Variants in DDX6 observed in about 807,000 individuals in gnomAD.
DDX6 encodes DEAD-box helicase 6, also known as probable ATP-dependent RNA helicase DDX6.
DDX6 carries 7 observed loss-of-function variants against 60.6 expected under a neutral mutation model. That is an observed-to-expected ratio of 0.12 (90% CI 0.07 to 0.22). The LOEUF (loss-of-function observed/expected upper bound fraction) is 0.22. DDX6 is among the 10% of genes least tolerant of loss of function. The pLI is 1.00. For synonymous variants in DDX6, 207 were observed against 201.0 expected, an observed-to-expected ratio of 1.03 and a Z score of -0.25; for missense variants, 270 against 589.9, an observed-to-expected ratio of 0.46 and a Z score of 5.62.
chr11:118,776,888 A>G (rs1228706162), intron 4 of DDX6, among the ~76,000 whole-genome samples: 4 of 151,874 alleles, frequency 2.6e-5, no homozygotes, highest in Admixed American at 2.6e-4. Context: ...ATGGCTTAAC[A>G]TGAACTACAT....
chr11:118,778,495 G>A (rs935424976), intron 4 of DDX6, among the ~76,000 whole-genome samples: 1 of 152,140 alleles, frequency 6.6e-6, no homozygotes, highest in South Asian at 2.1e-4. Flanking sequence ...AAAACAATAC[G>A]CTAAGAGAAC....
At chr11:118,783,826 T>TAAAAAAAAAAAAAAAA (rs1591925039) in intron 2 of DDX6, among the ~76,000 whole-genome samples, 16 of 55,488 alleles carry the variant, frequency 2.9e-4, no homozygotes, top group East Asian at 6.5e-4. Context: ...AAAAAAAAAT[T>TAAAAAAAAAAAAAAAA]AAAAATAGGC....
At chr11:118,771,368 CAG>C (rs1395478993) in intron 4 of DDX6, among the ~76,000 whole-genome samples, 3 of 152,168 alleles carry the variant, frequency 2.0e-5, no homozygotes, top group Admixed American at 6.5e-5. Context: ...CCCTCTTTGA[CAG>C]GGATTATACC....
At chr11:118,781,019 T>C in intron 3 of DDX6, 102 bp downstream of exon 3, 2 of 714,898 alleles carry the variant, frequency 2.8e-6, no homozygotes, top group Non-Finnish European at 5.0e-6. Context: ...GTGGCAGTGG[T>C]GTTATGGTCC....
Position 118,748,692 on chromosome 11 carries a change from C to T in DDX6, c.*3413G>A, listed in dbSNP as rs1291056181. 2 of 151,886 alleles carry T rather than the reference C, an allele frequency of 1.3e-5. No individual in the cohort carries two copies. The highest frequency in any genetic ancestry group is 2.9e-5 in the Non-Finnish European group (2 of 67,968). The allele number at this position is 151,886 out of a possible 1,614,324, so 9.4% of individuals were successfully genotyped here. A position where few individuals can be genotyped will look rare whatever the true frequency, so the allele number is the denominator to read the frequency against. On this transcript the variant is annotated 3_prime_UTR_variant, in exon 14 of 14. Transcript: ENST00000534980. ...TGAGCTTCCAAAGTGTTTCTAAATC[C>T]TTAGTGCAGACACCCTCCCTTCTGG...
intron 4 of DDX6, among the ~76,000 whole-genome samples, chr11:118,778,059 A>G (rs781980188): frequency 2.0e-5 from 3 of 152,038 alleles, no homozygotes; most frequent in East Asian, 1.9e-4. Flanking sequence ...AATGGTGAGT[A>G]TAAGTCCATA....
At chr11:118,770,288 A>C (rs781814427) in intron 4 of DDX6, among the ~76,000 whole-genome samples, 1 of 152,120 alleles carries the variant, frequency 6.6e-6, no homozygotes, top group Non-Finnish European at 1.5e-5. Context: ...TCGGCCTCCC[A>C]AAGTGTTGGG....
At chr11:118,790,202 G>A (rs767316425) in intron 1 of DDX6, 2 of 152,118 alleles carry the variant, frequency 1.3e-5, no homozygotes, top group Non-Finnish European at 2.9e-5. Flanking sequence ...ATTGACTAAT[G>A]ACTGGAACCC....
rs1439267826 is a variant in DDX6, at chr11:118,788,305, A to AAAAACAAACAAAC, written c.-267-1788_-267-1787insGTTTGTTTGTTTT. 31 of 17,420 alleles carry AAAAACAAACAAAC rather than the reference A, an allele frequency of 1.8e-3. 1 individual carries two copies. Among genetic ancestry groups the AAAAACAAACAAAC allele is most frequent in the African/African-American group, 2.2e-3 (30 of 13,768 alleles). 1.1% of individuals were successfully genotyped at this position (17,420 alleles called of 1,614,324 possible). On this transcript the variant is annotated intron_variant, in intron 1 of 13. Transcript: ENST00000534980. The stretch of plus-strand genomic sequence containing the variant: ...GCAACAAGAGCAATACTCTGACTTA[A>AAAAACAAACAAAC]AAACAAACAAAGCAAACAAACAAAC...
At chr11:118,753,667 C>T (rs1224046732) in intron 13 of DDX6, among the ~76,000 whole-genome samples, 1 of 151,962 alleles carries the variant, frequency 6.6e-6, no homozygotes, top group Non-Finnish European at 1.5e-5. Context: ...AGATGGCCAT[C>T]CTCATAATCT....
At chr11:118,762,046 A>G (rs782042057) in intron 7 of DDX6, among the ~76,000 whole-genome samples, 3 of 152,060 alleles carry the variant, frequency 2.0e-5, no homozygotes, top group Non-Finnish European at 2.9e-5. Context: ...AGGCTGAGGC[A>G]GTAGGATCAC....
rs1279266835 is a variant in DDX6, at chr11:118,749,823, T to G, written c.*2282A>C. 6.6e-6 allele frequency: 1 copy of G among 152,582 alleles called. No individual in the cohort carries two copies. The highest frequency in any genetic ancestry group is 1.5e-5 in the Non-Finnish European group (1 of 68,018). 9.5% of individuals were successfully genotyped at this position (152,582 alleles called of 1,614,324 possible). On this transcript the variant is annotated 3_prime_UTR_variant, in exon 14 of 14. Coordinates refer to ENST00000534980, the MANE Select transcript of DDX6 (RefSeq NM_004397.6). Reference sequence around the variant, plus strand: ...TCTCCCACCCCTCCCTGGAAAAAAGTTACTTCCTTAATTAGGTTTTCTATT... The same window carrying G: ...TCTCCCACCCCTCCCTGGAAAAAAGGTACTTCCTTAATTAGGTTTTCTATT...
intron 4 of DDX6, among the ~76,000 whole-genome samples, chr11:118,775,562 C>A (rs998123414): frequency 2.0e-5 from 3 of 151,982 alleles, no homozygotes; most frequent in African/African-American, 2.4e-5. Flanking sequence ...AAAGGCAATA[C>A]AAGTGGTGAC....
At chr11:118,775,547 A>T (rs1321121355) in intron 4 of DDX6, among the ~76,000 whole-genome samples, 2 of 152,188 alleles carry the variant, frequency 1.3e-5, no homozygotes, top group Non-Finnish European at 2.9e-5. Context: ...AATAAAAAAA[A>T]AGAAAAAGGC....
intron 4 of DDX6, among the ~76,000 whole-genome samples, chr11:118,778,592 G>A (rs1555164067): frequency 2.0e-5 from 3 of 152,092 alleles, no homozygotes; most frequent in African/African-American, 7.2e-5. Flanking sequence ...GAGGAGGGTG[G>A]CCATAGTATT....
chr11:118,774,195 T>C (rs1434424793), intron 4 of DDX6, among the ~76,000 whole-genome samples: 4 of 152,182 alleles, frequency 2.6e-5, no homozygotes, highest in African/African-American at 9.7e-5. Context: ...TTCTCAATCA[T>C]AACCCCAAAG....
intron 4 of DDX6, among the ~76,000 whole-genome samples, chr11:118,776,974 C>T (rs1441047524): frequency 6.6e-6 from 1 of 151,944 alleles, no homozygotes. Flanking sequence ...TGTTTTGATA[C>T]TTTATCCAGC....
intron 4 of DDX6, among the ~76,000 whole-genome samples, chr11:118,777,831 G>A (rs1279543931): frequency 1.3e-5 from 2 of 149,276 alleles, no homozygotes; most frequent in Non-Finnish European, 3.0e-5. Flanking sequence ...GAAGGCTGCG[G>A]TGAGCCAAGA....
rs1860771757 is a variant in DDX6 at position 118,751,575 on chromosome 11, G to T, written c.*530C>A. ...AAAGAAAAAGAAAAAAAAACGGAAAGAAAGAGTTACTATTGTTGATTCCTC... is the reference window on the plus strand; with the variant it reads ...AAAGAAAAAGAAAAAAAAACGGAAATAAAGAGTTACTATTGTTGATTCCTC... On this transcript the variant is annotated 3_prime_UTR_variant, in exon 14 of 14. Transcript: ENST00000534980. 1 of 152,814 alleles carries T rather than the reference G, an allele frequency of 6.5e-6. No homozygotes were observed. The highest frequency in any genetic ancestry group is 1.5e-5 in the Non-Finnish European group (1 of 68,252). 9.5% of individuals were successfully genotyped at this position (152,814 alleles called of 1,614,324 possible). A position where few individuals can be genotyped will look rare whatever the true frequency, so the allele number is the denominator to read the frequency against.
Sources: allele counts gnomAD v4.1 joint callset (sites outside exome capture counted in the v4.1 genomes callset), GRCh38; gene constraint gnomAD v4.1.1; transcripts MANE v1.5; gene names NCBI Gene and HGNC (gene_info 2026-07-23, HGNC 2026-07-21).